The following ZSWIM3 variants were observed in gnomAD, a reference collection of about 807,000 sequenced individuals.
ZSWIM3 encodes zinc finger SWIM domain-containing protein 3.
ZSWIM3 carries 27 observed loss-of-function variants against 47.5 expected under a neutral mutation model. The ratio of observed to expected loss-of-function variants is 0.57; its 90% CI spans 0.42 to 0.78. The LOEUF is 0.78. Ranked by LOEUF, ZSWIM3 falls within the 30% of genes least tolerant of loss-of-function variation. The probability of loss-of-function intolerance (pLI) is 0.00; values close to 1 mark genes in which losing one functional copy is unlikely to be tolerated. For synonymous variants in ZSWIM3, 333 were observed against 333.9 expected, an observed-to-expected ratio of 1.00 and a Z score of 0.03; for missense variants, 689 against 861.3, an observed-to-expected ratio of 0.80 and a Z score of 2.50.
intron 1 of ZSWIM3, among the ~76,000 whole-genome samples, chr20:45,859,438 A>AGAAG (rs141947687): frequency 4.8e-5 from 7 of 146,654 alleles, no homozygotes; most frequent in African/African-American, 1.5e-4. Context: ...AAAAAAAAAA[A>AGAAG]AAGAAATGTA....
In ZSWIM3 at chr20:45,857,843, C is replaced by CT; in HGVS notation, c.20dup (p.Lys8GlnfsTer4). 6.2e-7 allele frequency: 1 copy of CT among 1,614,130 alleles called. No individual in the cohort carries two copies. Among genetic ancestry groups the CT allele is most frequent in the Non-Finnish European group, 8.5e-7 (1 of 1,179,974 alleles). ...GGGCGGCCATGGAGCTGGGCAGCTG[C>CT]TTCAAGACCTATGAGGACTTCAAGG... On this transcript the variant is annotated frameshift_variant, in exon 1 of 2. Transcript: ENST00000255152. LOFTEE classifies it high-confidence loss of function.
At chr20:45,864,057 A>T (rs1301832080) in intron 1 of ZSWIM3, among the ~76,000 whole-genome samples, 1 of 148,792 alleles carries the variant, frequency 6.7e-6, no homozygotes, top group East Asian at 1.9e-4. Flanking sequence ...AGAGCTCTTA[A>T]TTGTTGTACT....
chr20:45,872,755 T>C, intron 1 of ZSWIM3: 1 of 1,289,424 alleles, frequency 7.8e-7, no homozygotes, highest in Non-Finnish European at 1.0e-6. Context: ...CTCGCTGTAC[T>C]ACTGGACTGC....
Position 45,877,131 on chromosome 20 carries a change from C to T in ZSWIM3, c.573C>T (p.Ser191=). The T allele has an allele frequency of 6.2e-7, 1 of 1,614,194 alleles. No individual in the cohort carries two copies. Among genetic ancestry groups the T allele is most frequent in the Non-Finnish European group, 8.5e-7 (1 of 1,180,028 alleles). The part of the protein sequence containing the change: ...FLKVDEGSMA[S]FSVGDSQHLD... Reference sequence around the variant, plus strand: ...AGGTAGATGAGGGTTCCATGGCTTCCTTCAGTGTGGGTGACAGCCAGCACC... The same window carrying T: ...AGGTAGATGAGGGTTCCATGGCTTCTTTCAGTGTGGGTGACAGCCAGCACC... Residue 191 remains serine, a synonymous_variant, in exon 2 of 2, where the codon TCC becomes TCT. Transcript: ENST00000255152.
chr20:45,869,025 C>T (rs935326179), intron 1 of ZSWIM3, among the ~76,000 whole-genome samples: 4 of 151,792 alleles, frequency 2.6e-5, no homozygotes, highest in African/African-American at 9.7e-5. Flanking sequence ...TGGTCTTGAA[C>T]TCCTGACCTC....
Position 45,877,052 on chromosome 20 carries a change from G to A in ZSWIM3, c.494G>A (p.Gly165Asp), listed in dbSNP as rs748658729. ...VQVSSKPEQE[G>D]ITPSDLAKIA... ...GTGTCCTCAAAGCCAGAGCAGGAAG[G>A]CATCACTCCTTCTGACCTGGCCAAG... The change falls in exon 2 of 2, where the codon GGC becomes GAC. Residue 165 changes from glycine (G) to aspartate (D), a missense_variant. By Grantham distance (94) the Gly-to-Asp change is moderately conservative (BLOSUM62 -1). Transcript: ENST00000255152. 5.0e-6 allele frequency: 8 copies of A among 1,614,184 alleles called. No individual in the cohort carries two copies. The highest frequency in any genetic ancestry group is 6.8e-6 in the Non-Finnish European group (8 of 1,180,030).
At chr20:45,872,763 T>TGCTCCAGCCCTTCCTGGCCC in intron 1 of ZSWIM3, 1 of 1,289,426 alleles carries the variant, frequency 7.8e-7, no homozygotes, top group South Asian at 1.2e-5. Flanking sequence ...ACTACTGGAC[T>TGCTCCAGCCCTTCCTGGCCC]GCTCCAGCCC....
intron 1 of ZSWIM3, among the ~76,000 whole-genome samples, chr20:45,861,571 G>A (rs1390641669): frequency 6.6e-6 from 1 of 152,122 alleles, no homozygotes; most frequent in Non-Finnish European, 1.5e-5. Flanking sequence ...TGGTGGGTTG[G>A]GATTTGTTTT....
intron 1 of ZSWIM3, among the ~76,000 whole-genome samples, chr20:45,859,815 A>AAAC (rs1985660449): frequency 6.7e-6 from 1 of 149,332 alleles, no homozygotes; most frequent in African/African-American, 2.5e-5. Flanking sequence ...AAAAAAAAAA[A>AAAC]ACCACAGTTG....
At position 45,857,801 on chromosome 20, in the gene ZSWIM3, C is replaced by G; in HGVS notation, c.-25C>G. The G allele has an allele frequency of 6.2e-7, 1 of 1,611,940 alleles. No individual in the cohort carries two copies. Among genetic ancestry groups the G allele is most frequent in the Non-Finnish European group, 8.5e-7 (1 of 1,178,576 alleles). The stretch of plus-strand genomic sequence containing the variant: ...TCTTGGGCCCGGGCTGGGACCAGCC[C>G]CTAGTGTGGGTTGTGGGGGCGGCCA... On this transcript the variant is annotated 5_prime_UTR_variant, in exon 1 of 2. Coordinates refer to ENST00000255152, the MANE Select transcript of ZSWIM3 (RefSeq NM_080752.4).
chr20:45,872,569 G>C, intron 1 of ZSWIM3: 1 of 497,260 alleles, frequency 2.0e-6, no homozygotes, highest in South Asian at 1.9e-5. Flanking sequence ...GGCTTGCGAG[G>C]AGGGAAGGTA....
intron 1 of ZSWIM3, among the ~76,000 whole-genome samples, chr20:45,873,244 A>G (rs1051493262): frequency 6.6e-6 from 1 of 152,158 alleles, no homozygotes; most frequent in African/African-American, 2.4e-5. Flanking sequence ...TCTACTAAAA[A>G]TACAAAATTT....
intron 1 of ZSWIM3, among the ~76,000 whole-genome samples, chr20:45,869,837 G>A (rs1398595070): frequency 6.6e-6 from 1 of 151,980 alleles, no homozygotes; most frequent in African/African-American, 2.4e-5. Context: ...GAGGTCAGGA[G>A]TTCAAGACCA....
chr20:45,863,211 T>C (rs1985755078), intron 1 of ZSWIM3, among the ~76,000 whole-genome samples: 1 of 152,142 alleles, frequency 6.6e-6, no homozygotes, highest in Non-Finnish European at 1.5e-5. Flanking sequence ...GTTTGTTTTT[T>C]GCAGTTGTTA....
intron 1 of ZSWIM3, among the ~76,000 whole-genome samples, chr20:45,867,129 C>T (rs890239763): frequency 2.6e-5 from 4 of 151,542 alleles, no homozygotes; most frequent in African/African-American, 7.3e-5. Context: ...GCCTCAGCCT[C>T]CTGAGTAGCT....
intron 1 of ZSWIM3, among the ~76,000 whole-genome samples, chr20:45,863,107 A>G (rs1303619813): frequency 2.6e-5 from 4 of 151,284 alleles, no homozygotes; most frequent in Admixed American, 6.6e-5. Context: ...CTCACTTACC[A>G]ATATATCTTG....
At chr20:45,859,792 CAAAAAAAAAA>C (rs765560893) in intron 1 of ZSWIM3, among the ~76,000 whole-genome samples, 3 of 52,098 alleles carry the variant, frequency 5.8e-5, no homozygotes, top group African/African-American at 6.2e-5. Flanking sequence ...GAGAGGAATA[CAAAAAAAAAA>C]AAAAAAAAAA....
At position 45,872,812 on chromosome 20, in the gene ZSWIM3, T is replaced by C. The variant is rs1218801148; in HGVS notation, c.156-3902T>C. The C allele has an allele frequency of 2.3e-6, 3 of 1,287,472 alleles. No individual in the cohort carries two copies. The Admixed American group carries it at 7.0e-5, about 30-fold the overall frequency. 79.8% of individuals were successfully genotyped at this position (1,287,472 alleles called of 1,614,324 possible). On this transcript the variant is annotated intron_variant, in intron 1 of 1. Transcript: ENST00000255152. ...GCTAGAGATGGCACCACCCCCGCAC[T>C]GTGCACACAATAGGTACAGACACTC... is the stretch of plus-strand genomic sequence containing the variant.
chr20:45,877,391 A>G lies in ZSWIM3; in HGVS notation c.833A>G (p.Lys278Arg), dbSNP rs1986126935. ...ACAGAGTTCAACTCCGATTGGCCCA[A>G]GGTCAAGGTGGTCTTTGTGGACCCT... ...IFTEFNSDWP[K>R]VKVVFVDPSF... Residue 278 changes from lysine to arginine, a missense_variant, in exon 2 of 2, where the codon AAG (lysine) becomes AGG (arginine). Transcript: ENST00000255152. The G allele has an allele frequency of 4.3e-6, 7 of 1,614,088 alleles. No individual in the cohort carries two copies. Among genetic ancestry groups the G allele is most frequent in the Non-Finnish European group, 5.9e-6 (7 of 1,180,056 alleles).
Sources: allele counts gnomAD v4.1 joint callset (sites outside exome capture counted in the v4.1 genomes callset), GRCh38; gene constraint gnomAD v4.1.1; transcripts MANE v1.5; gene names NCBI Gene and HGNC (gene_info 2026-07-23, HGNC 2026-07-21).